Variants in CTIF observed in about 807,000 individuals in gnomAD.
CTIF encodes the protein CBP80/20-dependent translation initiation factor.
In CTIF, 21 loss-of-function variants were observed where a neutral mutation model predicts 66.0. The ratio of observed to expected loss-of-function variants is 0.32; its 90% CI spans 0.23 to 0.46. The LOEUF is 0.46. Ranked by LOEUF, CTIF falls within the 20% of genes least tolerant of loss-of-function variation. CTIF has a pLI of 1.00. For synonymous variants in CTIF, 345 were observed against 326.4 expected, an observed-to-expected ratio of 1.06 and a Z score of -0.62; for missense variants, 739 against 812.7, an observed-to-expected ratio of 0.91 and a Z score of 1.10.
At chr18:48,854,335 A>T (rs1484822085) in intron 10 of CTIF, among the ~76,000 whole-genome samples, 2 of 152,138 alleles carry the variant, frequency 1.3e-5, no homozygotes, top group East Asian at 3.9e-4. Flanking sequence ...AGCCCCAAAG[A>T]TACAAAGTCA....
intron 3 of CTIF, among the ~76,000 whole-genome samples, chr18:48,657,966 G>T (rs1215748495): frequency 6.6e-6 from 1 of 152,150 alleles, no homozygotes; most frequent in East Asian, 1.9e-4. Context: ...GGTGAGGGTG[G>T]TGGGAGAGAG....
chr18:48,641,532 A>T (rs1004627046), intron 3 of CTIF, among the ~76,000 whole-genome samples: 8 of 152,224 alleles, frequency 5.3e-5, no homozygotes, highest in African/African-American at 1.9e-4. Context: ...CTATGATCCC[A>T]ACATTCCCTG....
intron 1 of CTIF, among the ~76,000 whole-genome samples, chr18:48,594,123 G>A (rs1234693310): frequency 6.6e-6 from 1 of 150,686 alleles, no homozygotes; most frequent in Non-Finnish European, 1.5e-5. Context: ...TTTCTTTGGT[G>A]TCGTGAACTG....
At chr18:48,815,191 T>C (rs1402656492) in intron 9 of CTIF, among the ~76,000 whole-genome samples, 2 of 152,250 alleles carry the variant, frequency 1.3e-5, no homozygotes, top group Non-Finnish European at 2.9e-5. Flanking sequence ...TGCCTATATG[T>C]ATCCCATTGC....
At chr18:48,603,042 T>C (rs1303810769) in intron 1 of CTIF, among the ~76,000 whole-genome samples, 1 of 150,450 alleles carries the variant, frequency 6.6e-6, no homozygotes, top group Non-Finnish European at 1.5e-5. Context: ...GATGGATAGA[T>C]GGATGTATGG....
intron 5 of CTIF, among the ~76,000 whole-genome samples, chr18:48,665,304 T>G (rs2091418981): frequency 6.6e-6 from 1 of 152,202 alleles, no homozygotes; most frequent in African/African-American, 2.4e-5. Context: ...ATGCCTGATT[T>G]TACACTGGCT....
chr18:48,672,880 C>T (rs796395850), intron 6 of CTIF, among the ~76,000 whole-genome samples: 1 of 152,294 alleles, frequency 6.6e-6, no homozygotes, highest in African/African-American at 2.4e-5. Flanking sequence ...CAGCCTCTGT[C>T]CTGGGCTCCC....
chr18:48,788,656 C>T (rs1405286265), intron 9 of CTIF, among the ~76,000 whole-genome samples: 1 of 152,172 alleles, frequency 6.6e-6, no homozygotes, highest in East Asian at 1.9e-4. Context: ...CAGTGGCAGC[C>T]TTTGAAGATA....
intron 7 of CTIF, among the ~76,000 whole-genome samples, chr18:48,744,815 T>C (rs1293492708): frequency 6.6e-6 from 1 of 150,482 alleles, no homozygotes; most frequent in African/African-American, 2.4e-5. Flanking sequence ...GGCAGTTCTT[T>C]CTTCTTCTTT....
chr18:48,564,680 G>A (rs1183301140), intron 1 of CTIF: 1 of 152,284 alleles, frequency 6.6e-6, no homozygotes, highest in Non-Finnish European at 1.5e-5. Flanking sequence ...GTGCAGTGGT[G>A]CGAACACAGC....
intron 6 of CTIF, among the ~76,000 whole-genome samples, chr18:48,700,374 C>G (rs1443015935): frequency 1.3e-5 from 2 of 152,210 alleles, no homozygotes; most frequent in Admixed American, 1.3e-4. Flanking sequence ...AGTGTGAGAA[C>G]AGGCTAATAC....
At chr18:48,677,713 A>G (rs1381439922) in intron 6 of CTIF, among the ~76,000 whole-genome samples, 1 of 152,066 alleles carries the variant, frequency 6.6e-6, no homozygotes, top group Non-Finnish European at 1.5e-5. Context: ...CGCCTGTCGC[A>G]TGTTTGCTTT....
At chr18:48,683,885 C>T (rs2091790037) in intron 6 of CTIF, among the ~76,000 whole-genome samples, 1 of 152,176 alleles carries the variant, frequency 6.6e-6, no homozygotes, top group Non-Finnish European at 1.5e-5. Flanking sequence ...AATTTGGGGC[C>T]CAGGCTCCCA....
intron 7 of CTIF, among the ~76,000 whole-genome samples, chr18:48,727,891 A>G (rs1406339863): frequency 6.6e-6 from 1 of 152,180 alleles, no homozygotes; most frequent in Non-Finnish European, 1.5e-5. Flanking sequence ...TCATTTCCTA[A>G]TTTTAGCATC....
chr18:48,833,313 AAGTGCCCACC>A (rs1264685295), intron 10 of CTIF, among the ~76,000 whole-genome samples: 1 of 152,016 alleles, frequency 6.6e-6, no homozygotes, highest in African/African-American at 2.4e-5. Context: ...TGGGGAGTGG[AAGTGCCCACC>A]AGTGAGGGTG....
intron 6 of CTIF, among the ~76,000 whole-genome samples, chr18:48,677,017 C>G (rs1256515508): frequency 2.0e-5 from 3 of 152,088 alleles, no homozygotes; most frequent in Non-Finnish European, 4.4e-5. Context: ...GGGGCCGCGG[C>G]TGGGGCTGCC....
intron 1 of CTIF, among the ~76,000 whole-genome samples, chr18:48,606,184 G>A (rs1183398113): frequency 6.6e-6 from 1 of 152,198 alleles, no homozygotes; most frequent in Non-Finnish European, 1.5e-5. Flanking sequence ...CAAAAGGACT[G>A]CACCTGTCTC....
At chr18:48,634,644 C>CAT (rs2144605037) in intron 2 of CTIF, among the ~76,000 whole-genome samples, 1 of 152,288 alleles carries the variant, frequency 6.6e-6, no homozygotes, top group African/African-American at 2.4e-5. Context: ...GGAGAAATGC[C>CAT]CTCTTCCTGT....
intron 9 of CTIF, among the ~76,000 whole-genome samples, chr18:48,780,031 G>A (rs1416400341): frequency 6.6e-6 from 1 of 152,194 alleles, no homozygotes; most frequent in Non-Finnish European, 1.5e-5. Flanking sequence ...TCCTAAGGAA[G>A]CAGCTTGTGT....
Sources: gnomAD v4.1 joint callset for allele counts (sites outside exome capture counted in the v4.1 genomes callset) on GRCh38, gnomAD v4.1.1 for gene constraint, MANE v1.5 for transcripts, NCBI Gene and HGNC (gene_info 2026-07-23, HGNC 2026-07-21) for gene names.